Variants in CUX2 observed in about 807,000 individuals in gnomAD.
The protein encoded by CUX2 is homeobox protein cut-like 2.
A neutral mutation model predicts 144.8 loss-of-function variants in CUX2; 40 were observed. The ratio of observed to expected loss-of-function variants is 0.28; its 90% CI spans 0.21 to 0.36. The LOEUF is 0.36. CUX2 is among the 10% of genes least tolerant of loss of function. The probability of loss-of-function intolerance (pLI) is 1.00; values close to 1 mark genes in which losing one functional copy is unlikely to be tolerated. For synonymous variants in CUX2, 827 were observed against 875.6 expected (o/e 0.94, Z 0.98); for missense variants, 1,615 against 1,994.0 (o/e 0.81, Z 3.62).
At chr12:111,259,522 C>A (rs930547989) in intron 3 of CUX2, among the ~76,000 whole-genome samples, 3 of 152,162 alleles carry the variant, frequency 2.0e-5, no homozygotes, top group Non-Finnish European at 4.4e-5. Context: ...AGGAAAAGAA[C>A]ACAAGCCACA....
At chr12:111,076,153 G>A (rs1871526460) in intron 1 of CUX2, among the ~76,000 whole-genome samples, 1 of 152,170 alleles carries the variant, frequency 6.6e-6, no homozygotes, top group Admixed American at 6.5e-5. Flanking sequence ...AAAGCCTTGT[G>A]CACTGGAGAG....
rs1436782975 is a variant in CUX2, at chr12:111,238,753, AG to A, written c.222+20818del. On this transcript the variant is annotated intron_variant, in intron 3 of 21. Transcript: ENST00000261726. ...ACATGAATTCCACTCAGGTCTCAAA[AG>A]GTGGCTCTGGCCAGGCATGGTGGCT... Among the ~76,000 whole-genome samples the A allele has an allele frequency of 5.3e-5, 8 of 152,226 alleles. No individual in the cohort carries two copies. The East Asian group carries it at 1.5e-3, about 29-fold the overall frequency.
chr12:111,322,800 G>C lies in CUX2; in HGVS notation c.2926+220G>C, dbSNP rs1393042994. The stretch of plus-strand genomic sequence containing the variant: ...TCCTCCAACCAGAGGGAGGCTTCTA[G>C]AAGCTGCACGCCTGATGCACTGGGT... On this transcript the variant is annotated intron_variant, in intron 18 of 21. Coordinates refer to ENST00000261726, the MANE Select transcript of CUX2 (RefSeq NM_015267.4). This position sits in a 1 kb window ranked among gnomAD's most constrained non-coding sequence, Gnocchi z 4.2. 6.6e-6 allele frequency among the ~76,000 whole-genome samples: 1 copy of C among 152,202 alleles called. No individual in the cohort carries two copies. Among genetic ancestry groups the C allele is most frequent in the Non-Finnish European group, 1.5e-5 (1 of 68,042 alleles).
At chr12:111,074,239 A>G (rs1176144536) in intron 1 of CUX2, among the ~76,000 whole-genome samples, 1 of 151,976 alleles carries the variant, frequency 6.6e-6, no homozygotes, top group Non-Finnish European at 1.5e-5. Flanking sequence ...GAGGCTTCTC[A>G]TTTGAATCAC....
In CUX2 at chr12:111,304,478, A is replaced by G. The variant is rs1886476520; in HGVS notation, c.858+164A>G. On this transcript the variant is annotated intron_variant, in intron 10 of 21. Coordinates refer to ENST00000261726, the MANE Select transcript of CUX2 (RefSeq NM_015267.4). This position sits in a 1 kb window ranked among gnomAD's most constrained non-coding sequence, Gnocchi z 4.7. ...GTGGGTCTCTGTGCATACGGTGAGC[A>G]TAATCACTATGACCTGCTACACCAG... 2.0e-5 allele frequency among the ~76,000 whole-genome samples: 3 copies of G among 152,002 alleles called. No homozygotes were observed. The highest frequency in any genetic ancestry group is 6.6e-5 in the Admixed American group (1 of 15,260).
chr12:111,184,115 T>TGA (rs1230280486), intron 1 of CUX2, among the ~76,000 whole-genome samples: 3 of 152,194 alleles, frequency 2.0e-5, no homozygotes, highest in Non-Finnish European at 4.4e-5. Flanking sequence ...GTGGTCCCTT[T>TGA]GAGGGGCAAG....
At chr12:111,123,384 A>G (rs1874818000) in intron 1 of CUX2, among the ~76,000 whole-genome samples, 1 of 151,784 alleles carries the variant, frequency 6.6e-6, no homozygotes, top group Non-Finnish European at 1.5e-5. Flanking sequence ...GGGTTTTGCC[A>G]TGTTGGCCAG....
intron 18 of CUX2, among the ~76,000 whole-genome samples, chr12:111,328,974 T>TCCC (rs1454171974): frequency 3.1e-5 from 2 of 65,342 alleles, no homozygotes; most frequent in Non-Finnish European, 5.1e-5. Flanking sequence ...TCTCTCTCTC[T>TCCC]CCCCCTCTCT....
Position 111,320,608 on chromosome 12 carries a change from T to C in CUX2, c.2599T>C (p.Tyr867His), listed in dbSNP as rs943252206. 2 of 1,565,682 alleles carry C rather than the reference T, an allele frequency of 1.3e-6. No homozygotes were observed. Among genetic ancestry groups the C allele is most frequent in the Non-Finnish European group, 1.7e-6 (2 of 1,164,754 alleles). Residue 867 changes from tyrosine (Y) to histidine (H), a missense_variant, in exon 17 of 22, where the codon TAC becomes CAC. By Grantham distance (83) the Tyr-to-His change is moderately conservative. Transcript: ENST00000261726. The surrounding 1 kb of genome is among the most constrained non-coding windows in gnomAD (Gnocchi z 8.1). The part of the protein sequence containing the change: ...ATAEAGARLP[Y>H]YPAYVPRTLK... ...GGCCGAGGCGGGCGCGCGGCTGCCC[T>C]ACTACCCGGCCTACGTGCCGCGCAC...
chr12:111,099,405 A>G (rs1009158640), intron 1 of CUX2: 7 of 374,546 alleles, frequency 1.9e-5, no homozygotes, highest in Non-Finnish European at 5.3e-6. Flanking sequence ...GCTTTCTTAA[A>G]CCGTTATGTG....
chr12:111,123,668 T>A (rs548768587), intron 1 of CUX2, among the ~76,000 whole-genome samples: 46 of 152,220 alleles, frequency 3.0e-4, no homozygotes, highest in Non-Finnish European at 5.3e-4. Flanking sequence ...CCTGAGTAAC[T>A]GAGACTATAG....
intron 1 of CUX2, among the ~76,000 whole-genome samples, chr12:111,205,630 G>A (rs1880877051): frequency 6.6e-6 from 1 of 152,142 alleles, no homozygotes; most frequent in Middle Eastern, 3.2e-3. Context: ...TAGACACCAA[G>A]CCAAGCACTT....
At chr12:111,075,783 C>T (rs1219713397) in intron 1 of CUX2, among the ~76,000 whole-genome samples, 1 of 152,024 alleles carries the variant, frequency 6.6e-6, no homozygotes, top group Non-Finnish European at 1.5e-5. Context: ...CCAGGGTGTC[C>T]GAGTGATTTG....
intron 9 of CUX2, among the ~76,000 whole-genome samples, chr12:111,298,979 C>T (rs907623557): frequency 3.3e-5 from 5 of 152,216 alleles, no homozygotes; most frequent in African/African-American, 7.2e-5. Context: ...GTGGGGCTCC[C>T]GCCTCCTGCC....
chr12:111,142,439 A>G (rs1876384941), intron 1 of CUX2, among the ~76,000 whole-genome samples: 1 of 151,216 alleles, frequency 6.6e-6, no homozygotes, highest in African/African-American at 2.4e-5. Context: ...GAATAAAATG[A>G]TTCTGGTAAT....
chr12:111,251,174 C>T (rs1264436632), intron 3 of CUX2, among the ~76,000 whole-genome samples: 1 of 152,076 alleles, frequency 6.6e-6, no homozygotes, highest in African/African-American at 2.4e-5. Flanking sequence ...CTTTGTGCTT[C>T]GGTGCATGGA....
Position 111,171,943 on chromosome 12 carries a change from A to C in CUX2, c.64-42257A>C, listed in dbSNP as rs548144031. The stretch of plus-strand genomic sequence containing the variant: ...TGTGCGTGTGCCTGTGCCTGTGTAC[A>C]CGTGCGTGTGTGTGCGTGCATGTGC... On this transcript the variant is annotated intron_variant, in intron 1 of 21. Coordinates refer to ENST00000261726, the MANE Select transcript of CUX2 (RefSeq NM_015267.4). This position sits in a 1 kb window ranked among gnomAD's most constrained non-coding sequence, Gnocchi z 5.0. Among the ~76,000 whole-genome samples, 236 of 151,956 alleles carry C rather than the reference A, an allele frequency of 1.6e-3. No individual in the cohort carries two copies. The Middle Eastern group carries it at 0.02, about 13-fold the overall frequency.
At position 111,039,173 on chromosome 12, in the gene CUX2, C is replaced by A. The variant is rs886805955; in HGVS notation, c.63+4933C>A. On this transcript the variant is annotated intron_variant, in intron 1 of 21. Transcript: ENST00000261726. This position sits in a 1 kb window ranked among gnomAD's most constrained non-coding sequence, Gnocchi z 4.2. ...GGCTGAATTTCCGGTGGCTTCCTGG[C>A]TATCTAATTCAAAGGCCGGGCCTGG... Among the ~76,000 whole-genome samples, 1 of 152,074 alleles carries A rather than the reference C, an allele frequency of 6.6e-6. No homozygotes were observed. Among genetic ancestry groups the A allele is most frequent in the Non-Finnish European group, 1.5e-5 (1 of 68,010 alleles).
chr12:111,209,724 T>C (rs1305141421), intron 1 of CUX2, among the ~76,000 whole-genome samples: 1 of 152,102 alleles, frequency 6.6e-6, no homozygotes, highest in African/African-American at 2.4e-5. Flanking sequence ...CAGGGGGTAC[T>C]GCAGATCCCA....
Sources: allele counts gnomAD v4.1 joint callset (sites outside exome capture counted in the v4.1 genomes callset), GRCh38; gene constraint gnomAD v4.1.1; non-coding constraint Gnocchi (gnomAD v3.1); transcripts MANE v1.5; gene names NCBI Gene and HGNC (gene_info 2026-07-23, HGNC 2026-07-21).